PKDCC: variants seen among roughly 807,000 people sequenced by gnomAD.
PKDCC encodes the protein extracellular tyrosine-protein kinase PKDCC.
In PKDCC, 35 loss-of-function variants were observed where a neutral mutation model predicts 44.7. That is an observed-to-expected ratio of 0.78 (90% CI 0.60 to 1.04). The LOEUF is 1.04. PKDCC is among the 50% of genes least tolerant of loss of function. The pLI, the probability that PKDCC is intolerant of heterozygous loss-of-function variation, is 0.00. For synonymous variants in PKDCC, 353 were observed against 303.3 expected, an observed-to-expected ratio of 1.16 and a Z score of -1.70; for missense variants, 738 against 672.7, an observed-to-expected ratio of 1.10 and a Z score of -1.07.
rs910754824 is a variant in PKDCC, at chr2:42,055,805, A to G, written c.1222+412A>G. On this transcript the variant is annotated intron_variant, in intron 5 of 6. Transcript: ENST00000294964. This position sits in a 1 kb window ranked among gnomAD's most constrained non-coding sequence, Gnocchi z 4.5. ...TGTGAAAGCAATTAGTGCAGTTCCT[A>G]TGACACAGCTGGAACGCAGTATATG... Among the ~76,000 whole-genome samples, 1 of 152,216 alleles carries G rather than the reference A, an allele frequency of 6.6e-6. No homozygotes were observed. The highest frequency in any genetic ancestry group is 2.4e-5 in the African/African-American group (1 of 41,440).
chr2:42,054,293 C>A lies in PKDCC; in HGVS notation c.1020C>A (p.Leu340=). 2 of 1,602,868 alleles carry A rather than the reference C, an allele frequency of 1.2e-6. No homozygotes were observed. The highest frequency in any genetic ancestry group is 2.2e-5 in the East Asian group (1 of 44,524). ...AGGGCATGAACGAGAAGCGGAACCTCTATAATGCCTACAGGTGACCTCCAC... is the reference window on the plus strand; with the variant it reads ...AGGGCATGAACGAGAAGCGGAACCTATATAATGCCTACAGGTGACCTCCAC... ...WCEGMNEKRN[L]YNAYRFFFTY... The change falls in exon 3 of 7, where the codon CTC becomes CTA. Residue 340 remains leucine, a synonymous_variant. Coordinates refer to ENST00000294964, the MANE Select transcript of PKDCC (RefSeq NM_138370.3). The surrounding 1 kb of genome is among the most constrained non-coding windows in gnomAD (Gnocchi z 6.1).
At position 42,057,600 on chromosome 2, in the gene PKDCC, C is replaced by T. The variant is rs368854281; in HGVS notation, c.1397-3C>T. ...CCTGTTACCTCTCACCTCTGCCCCC[C>T]AGGTCGGCAGCTGGTCTTTTTCAAG... On this transcript the variant is annotated splice_region_variant and splice_polypyrimidine_tract_variant and intron_variant, in intron 6 of 6. Transcript: ENST00000294964. 5 of 1,613,396 alleles carry T rather than the reference C, an allele frequency of 3.1e-6. No homozygotes were observed. Among genetic ancestry groups the T allele is most frequent in the Non-Finnish European group, 3.4e-6 (4 of 1,179,796 alleles).
chr2:42,048,117 A>G lies in PKDCC; in HGVS notation c.-83A>G. On this transcript the variant is annotated 5_prime_UTR_variant, in exon 1 of 7. Coordinates refer to ENST00000294964, the MANE Select transcript of PKDCC (RefSeq NM_138370.3). The surrounding 1 kb of genome is among the most constrained non-coding windows in gnomAD (Gnocchi z 6.2). Reference sequence around the variant, plus strand: ...TGGGCAGGGGGCCGGCGGGGCGCAGAGCGGAGCCGCCTCGGAGCCTGAGCC... The same window carrying G: ...TGGGCAGGGGGCCGGCGGGGCGCAGGGCGGAGCCGCCTCGGAGCCTGAGCC... 1 of 786,748 alleles carries G rather than the reference A, an allele frequency of 1.3e-6. No individual in the cohort carries two copies. The allele number at this position is 786,748 out of a possible 1,614,324, so 48.7% of individuals were successfully genotyped here.
At position 42,054,885 on chromosome 2, in the gene PKDCC, G is replaced by T. The variant is rs1668027205; in HGVS notation, c.1035-56G>T. 1.3e-6 allele frequency: 2 copies of T among 1,507,198 alleles called. No homozygotes were observed. The highest frequency in any genetic ancestry group is 2.8e-5 in the African/African-American group (2 of 72,574). The allele number at this position is 1,507,198 out of a possible 1,614,324, so 93.4% of individuals were successfully genotyped here. On this transcript the variant is annotated intron_variant, in intron 3 of 6. Coordinates refer to ENST00000294964, the MANE Select transcript of PKDCC (RefSeq NM_138370.3). This position sits in a 1 kb window ranked among gnomAD's most constrained non-coding sequence, Gnocchi z 6.1. The stretch of plus-strand genomic sequence containing the variant: ...CGTTCTGCCCCAGGTTGGAATAGAG[G>T]AAGGATGTGTCTCCAAAGGCTGGAT...
chr2:42,048,231 G>A lies in PKDCC; in HGVS notation c.32G>A (p.Gly11Asp). 8.0e-7 allele frequency: 1 copy of A among 1,255,706 alleles called. No homozygotes were observed. Among genetic ancestry groups the A allele is most frequent in the Non-Finnish European group, 1.0e-6 (1 of 988,534 alleles). 77.8% of individuals were successfully genotyped at this position (1,255,706 alleles called of 1,614,324 possible). The change falls in exon 1 of 7, where the codon GGT becomes GAT. Residue 11 changes from glycine to aspartate, a missense_variant. Transcript: ENST00000294964. This position sits in a 1 kb window ranked among gnomAD's most constrained non-coding sequence, Gnocchi z 6.2. MRRRRAAVAA[G>D]FCASFLLGSV... ...CGCCGGCGGGCGGCAGTGGCCGCGG[G>A]TTTCTGCGCCTCCTTCCTGCTGGGC... is the stretch of plus-strand genomic sequence containing the variant.
rs776527541 is a variant in PKDCC, at chr2:42,048,568, CCCCGG to C, written c.375_379del (p.Gly127AlafsTer43). 9 of 1,348,034 alleles carry C rather than the reference CCCCGG, an allele frequency of 6.7e-6. No homozygotes were observed. Among genetic ancestry groups the C allele is most frequent in the Non-Finnish European group, 7.6e-6 (8 of 1,052,140 alleles). 83.5% of individuals were successfully genotyped at this position (1,348,034 alleles called of 1,614,324 possible). A position where few individuals can be genotyped will look rare whatever the true frequency, so the allele number is the denominator to read the frequency against. On this transcript the variant is annotated frameshift_variant, in exon 1 of 7. Transcript: ENST00000294964. LOFTEE classifies it high-confidence loss of function. The surrounding 1 kb of genome is among the most constrained non-coding windows in gnomAD (Gnocchi z 6.2). The stretch of plus-strand genomic sequence containing the variant: ...GGCCCCCGGCTCCCGGCCCAGGCTC[CCCCGG>C]CCCGGGCCCGCGCCTGGGCTGCGCC...
chr2:42,058,104 C>T lies in PKDCC; in HGVS notation c.*416C>T, dbSNP rs945921515. On this transcript the variant is annotated 3_prime_UTR_variant, in exon 7 of 7. Coordinates refer to ENST00000294964, the MANE Select transcript of PKDCC (RefSeq NM_138370.3). The surrounding 1 kb of genome is among the most constrained non-coding windows in gnomAD (Gnocchi z 4.2). ...ATGCCACAGCAGGCGGTGGGGGCTG[C>T]GTGGGGACAATCCATCGTGGAGTGT... 3.1e-5 allele frequency: 6 copies of T among 193,288 alleles called. No homozygotes were observed. Among genetic ancestry groups the T allele is most frequent in the South Asian group, 2.2e-4 (2 of 8,964 alleles). 12.0% of individuals were successfully genotyped at this position (193,288 alleles called of 1,614,324 possible). A position where few individuals can be genotyped will look rare whatever the true frequency, so the allele number is the denominator to read the frequency against.
intron 2 of PKDCC, 104 bp downstream of exon 2, chr2:42,053,465 G>A: frequency 1.4e-6 from 2 of 1,452,464 alleles, no homozygotes; most frequent in Non-Finnish European, 9.2e-7. Context: ...CACCCAGGGA[G>A]AGGGAGGGGA....
rs151332906 is a variant in PKDCC, at chr2:42,049,225, C to T, written c.639+387C>T. ...AGCCAAGACACTTGAGTCAGAATTC[C>T]AACTGTGTGATAAAGTCCCCCTTCT... On this transcript the variant is annotated intron_variant, in intron 1 of 6. Transcript: ENST00000294964. Among the ~76,000 whole-genome samples the T allele has an allele frequency of 1.8e-4, 28 of 152,274 alleles. No individual in the cohort carries two copies. The East Asian group carries it at 5.2e-3, about 28-fold the overall frequency.
At chr2:42,050,346 C>T (rs1045136748) in intron 1 of PKDCC, among the ~76,000 whole-genome samples, 5 of 152,180 alleles carry the variant, frequency 3.3e-5, no homozygotes, top group African/African-American at 9.7e-5. Flanking sequence ...AGGGTGTCAG[C>T]CAGATCCTGA....
At chr2:42,050,527 C>T (rs1387515020) in intron 1 of PKDCC, among the ~76,000 whole-genome samples, 2 of 152,278 alleles carry the variant, frequency 1.3e-5, no homozygotes, top group Admixed American at 6.5e-5. Flanking sequence ...ATTCAGCTAA[C>T]GCCCCACATA....
In PKDCC at chr2:42,054,487, T is replaced by C. The variant is rs933789278; in HGVS notation, c.1034+180T>C. On this transcript the variant is annotated intron_variant, in intron 3 of 6. Coordinates refer to ENST00000294964, the MANE Select transcript of PKDCC (RefSeq NM_138370.3). This position sits in a 1 kb window ranked among gnomAD's most constrained non-coding sequence, Gnocchi z 6.1. ...AGGCCTCTGATGGAGAGGCTAAAAA[T>C]AGACAGCTCCAAGGAGAATCCGGGT... 39 of 726,406 alleles carry C rather than the reference T, an allele frequency of 5.4e-5. No individual in the cohort carries two copies. The highest frequency in any genetic ancestry group is 8.9e-5 in the African/African-American group (5 of 56,138). The allele number at this position is 726,406 out of a possible 1,614,324, so 45.0% of individuals were successfully genotyped here.
At position 42,055,527 on chromosome 2, in the gene PKDCC, T is replaced by C; in HGVS notation, c.1222+134T>C. 1.4e-6 allele frequency: 1 copy of C among 695,580 alleles called. No homozygotes were observed. The highest frequency in any genetic ancestry group is 2.5e-6 in the Non-Finnish European group (1 of 408,046). The allele number at this position is 695,580 out of a possible 1,614,324, so 43.1% of individuals were successfully genotyped here. On this transcript the variant is annotated intron_variant, in intron 5 of 6. Coordinates refer to ENST00000294964, the MANE Select transcript of PKDCC (RefSeq NM_138370.3). The surrounding 1 kb of genome is among the most constrained non-coding windows in gnomAD (Gnocchi z 4.5). ...CCAAAGGCCACTGTAGGGGCTCACA[T>C]AGAATCATGGAGGGGCTGACATGGA...
Position 42,055,356 on chromosome 2 carries a change from G to C in PKDCC, c.1185G>C (p.Gly395=), listed in dbSNP as rs778723518. ...AGGTGCTGCACCTGTACCGGAGCGGGCAGTATCTGCAGAACTCCACGGCAA... is the reference window on the plus strand; with the variant it reads ...AGGTGCTGCACCTGTACCGGAGCGGCCAGTATCTGCAGAACTCCACGGCAA... ...LEKVLHLYRS[G]QYLQNSTASS... Residue 395 remains glycine, a synonymous_variant, in exon 5 of 7, where the codon GGG becomes GGC. Transcript: ENST00000294964. The surrounding 1 kb of genome is among the most constrained non-coding windows in gnomAD (Gnocchi z 4.5). 10 of 1,613,676 alleles carry C rather than the reference G, an allele frequency of 6.2e-6. No individual in the cohort carries two copies. In the East Asian group the frequency reaches 2.2e-4, roughly 36 times the overall value.
chr2:42,054,984 C>G lies in PKDCC; in HGVS notation c.1078C>G (p.Leu360Val). Residue 360 changes from leucine (L) to valine (V), a missense_variant, in exon 4 of 7, where the codon CTG becomes GTG. Coordinates refer to ENST00000294964, the MANE Select transcript of PKDCC (RefSeq NM_138370.3). The surrounding 1 kb of genome is among the most constrained non-coding windows in gnomAD (Gnocchi z 6.1). ...CCTGCCTCACAGTGCCCCGCCTTCA[C>G]TGCGTCCTCTGCTGGACAGCATCGT... ...YLLPHSAPPSLRPLLDSIVNA... is the reference protein window; with the variant it reads ...YLLPHSAPPSVRPLLDSIVNA... The G allele has an allele frequency of 6.2e-7, 1 of 1,614,156 alleles. No homozygotes were observed. The highest frequency in any genetic ancestry group is 8.5e-7 in the Non-Finnish European group (1 of 1,179,978).
chr2:42,048,081 T>C lies in PKDCC; in HGVS notation c.-119T>C. On this transcript the variant is annotated 5_prime_UTR_variant, in exon 1 of 7. An upstream start codon of the reference 5' UTR is lost. Transcript: ENST00000294964. The surrounding 1 kb of genome is among the most constrained non-coding windows in gnomAD (Gnocchi z 6.2). ...GCCGGGGTCGGGGCCGCCGGGGCCA[T>C]GCGCGCGGGCTGGGCAGGGGGCCGG... 6.1e-6 allele frequency: 3 copies of C among 490,642 alleles called. No homozygotes were observed. Among genetic ancestry groups the C allele is most frequent in the Non-Finnish European group, 7.4e-6 (3 of 404,774 alleles). 30.4% of individuals were successfully genotyped at this position (490,642 alleles called of 1,614,324 possible).
Position 42,051,539 on chromosome 2 carries a change from C to T in PKDCC, c.640-1700C>T, listed in dbSNP as rs1238319422. Among the ~76,000 whole-genome samples the T allele has an allele frequency of 2.0e-5, 3 of 152,234 alleles. No individual in the cohort carries two copies. Among genetic ancestry groups the T allele is most frequent in the Admixed American group, 6.5e-5 (1 of 15,298 alleles). ...TCCTGAGGGGTGTTGATTAATACCT[C>T]GTTAACAGCGCATTTAACGACCTCC... On this transcript the variant is annotated intron_variant, in intron 1 of 6. Transcript: ENST00000294964. The surrounding 1 kb of genome is among the most constrained non-coding windows in gnomAD (Gnocchi z 4.2).
chr2:42,048,831 T>C lies in PKDCC; in HGVS notation c.632T>C (p.Val211Ala). The C allele has an allele frequency of 6.8e-7, 1 of 1,467,678 alleles. No individual in the cohort carries two copies. Among genetic ancestry groups the C allele is most frequent in the South Asian group, 1.4e-5 (1 of 71,848 alleles). The allele number at this position is 1,467,678 out of a possible 1,614,324, so 90.9% of individuals were successfully genotyped here. A position where few individuals can be genotyped will look rare whatever the true frequency, so the allele number is the denominator to read the frequency against. Residue 211 changes from valine to alanine, a missense_variant, in exon 1 of 7, where the codon GTG (valine) becomes GCG (alanine). Physicochemically the swap from Val to Ala is moderately conservative, Grantham distance 64 (BLOSUM62 0). Transcript: ENST00000294964. The surrounding 1 kb of genome is among the most constrained non-coding windows in gnomAD (Gnocchi z 6.2). Reference protein sequence around the residue: ...VLLERLRHPNVLQLYGYCYQD... With the variant: ...VLLERLRHPNALQLYGYCYQD... ...CTGGAGCGGCTGCGGCACCCCAACG[T>C]GCTGCAGGTACGAGGGTGGGGACGC...
chr2:42,048,242 T>C lies in PKDCC; in HGVS notation c.43T>C (p.Ser15Pro). 7.9e-7 allele frequency: 1 copy of C among 1,269,236 alleles called. No homozygotes were observed. Among genetic ancestry groups the C allele is most frequent in the Non-Finnish European group, 1.0e-6 (1 of 996,070 alleles). 78.6% of individuals were successfully genotyped at this position (1,269,236 alleles called of 1,614,324 possible). A position where few individuals can be genotyped will look rare whatever the true frequency, so the allele number is the denominator to read the frequency against. Residue 15 changes from serine (S) to proline (P), a missense_variant, in exon 1 of 7, where the codon TCC (serine) becomes CCC (proline). Transcript: ENST00000294964. This position sits in a 1 kb window ranked among gnomAD's most constrained non-coding sequence, Gnocchi z 6.2. ...RAAVAAGFCA[S>P]FLLGSVLNVL... is the part of the protein sequence containing the mutation. ...GGCAGTGGCCGCGGGTTTCTGCGCC[T>C]CCTTCCTGCTGGGCTCCGTCCTCAA...
Sources: allele counts gnomAD v4.1 joint callset (sites outside exome capture counted in the v4.1 genomes callset), GRCh38; gene constraint gnomAD v4.1.1; non-coding constraint Gnocchi (gnomAD v3.1); transcripts MANE v1.5; gene names NCBI Gene and HGNC (gene_info 2026-07-23, HGNC 2026-07-21).